DEPTOR: variants seen among roughly 807,000 people sequenced by gnomAD.
DEPTOR encodes DEP domain containing MTOR interacting protein.
Under a neutral mutation model 41.6 loss-of-function variants are expected in DEPTOR, and 41 were observed. That is an observed-to-expected ratio of 0.98 (90% CI 0.77 to 1.28). DEPTOR has a LOEUF of 1.28. DEPTOR is among the 50% of genes most tolerant of loss of function. DEPTOR has a pLI of 0.00. For synonymous variants in DEPTOR, 195 were observed against 192.3 expected (o/e 1.01, Z -0.12); for missense variants, 514 against 527.9 (o/e 0.97, Z 0.26).
At chr8:119,923,277 T>C (rs1385384727) in intron 1 of DEPTOR, among the ~76,000 whole-genome samples, 1 of 152,196 alleles carries the variant, frequency 6.6e-6, no homozygotes, top group East Asian at 1.9e-4. Context: ...GAGGTCTCTC[T>C]GTGGTGCCCG....
At chr8:119,904,246 G>C (rs1377224260) in intron 1 of DEPTOR, among the ~76,000 whole-genome samples, 1 of 151,790 alleles carries the variant, frequency 6.6e-6, no homozygotes, top group Non-Finnish European at 1.5e-5. Context: ...GCCGCCCCGA[G>C]TAGTTGGAAC....
intron 3 of DEPTOR, among the ~76,000 whole-genome samples, chr8:119,953,856 G>T (rs1294520702): frequency 2.1e-5 from 3 of 144,172 alleles, no homozygotes; most frequent in Non-Finnish European, 4.5e-5. Context: ...CCAGGCTGGA[G>T]TTCAGTGGCA....
chr8:119,999,352 A>G (rs990509906), intron 4 of DEPTOR, among the ~76,000 whole-genome samples: 1 of 152,244 alleles, frequency 6.6e-6, no homozygotes, highest in Non-Finnish European at 1.5e-5. Context: ...GAATTAGAAC[A>G]TATAAGACAC....
At chr8:119,999,892 A>C (rs1289637662) in intron 4 of DEPTOR, among the ~76,000 whole-genome samples, 1 of 152,150 alleles carries the variant, frequency 6.6e-6, no homozygotes, top group Non-Finnish European at 1.5e-5. Flanking sequence ...TGGTTACAGA[A>C]ATCTCTACGT....
At chr8:120,029,786 G>A (rs1176455326) in intron 8 of DEPTOR, among the ~76,000 whole-genome samples, 5 of 152,054 alleles carry the variant, frequency 3.3e-5, no homozygotes, top group Admixed American at 6.6e-5. Flanking sequence ...TATCCAGTCC[G>A]TTTTGGCAGG....
chr8:119,887,733 G>A (rs566285297), intron 1 of DEPTOR, among the ~76,000 whole-genome samples: 1 of 150,778 alleles, frequency 6.6e-6, no homozygotes, highest in South Asian at 2.1e-4. Flanking sequence ...CCCCTGACCT[G>A]ACCTCAAGTG....
At chr8:119,921,664 A>G (rs1055444629) in intron 1 of DEPTOR, among the ~76,000 whole-genome samples, 2 of 152,084 alleles carry the variant, frequency 1.3e-5, no homozygotes, top group African/African-American at 4.8e-5. Flanking sequence ...CTTGCAGGGA[A>G]TTGGTGGAAA....
chr8:120,020,064 T>G (rs1318209619), intron 8 of DEPTOR, among the ~76,000 whole-genome samples: 1 of 122,588 alleles, frequency 8.2e-6, no homozygotes, highest in Non-Finnish European at 1.7e-5. Flanking sequence ...CTGCCAGTTC[T>G]TCTCATTTTT....
At chr8:120,018,504 G>A (rs1325345718) in intron 8 of DEPTOR, among the ~76,000 whole-genome samples, 6 of 152,102 alleles carry the variant, frequency 3.9e-5, no homozygotes, top group East Asian at 3.8e-4. Context: ...GCTTGAACCC[G>A]GGAGGTGGAG....
chr8:120,006,829 AGGAACTCCTTACTCCCG>A lies in DEPTOR; in HGVS notation c.953_969del (p.Glu318GlyfsTer13), dbSNP rs1400682060. The stretch of plus-strand genomic sequence containing the variant: ...GTGCTGAAGAGACCTGTCACCTCTG[AGGAACTCCTTACTCCCG>A]GGGCTCCGTATGCAAGGAAGACATT... On this transcript the variant is annotated frameshift_variant, in exon 7 of 9. Transcript: ENST00000286234. LOFTEE classifies it high-confidence loss of function. 2 of 1,614,040 alleles carry A rather than the reference AGGAACTCCTTACTCCCG, an allele frequency of 1.2e-6. No homozygotes were observed. Among genetic ancestry groups the A allele is most frequent in the Non-Finnish European group, 1.7e-6 (2 of 1,180,042 alleles).
chr8:119,988,855 G>A (rs1418327766), intron 4 of DEPTOR, among the ~76,000 whole-genome samples: 1 of 151,492 alleles, frequency 6.6e-6, no homozygotes, highest in Non-Finnish European at 1.5e-5. Context: ...CTAAAATTCA[G>A]AGCAGTTAAG....
intron 1 of DEPTOR, among the ~76,000 whole-genome samples, chr8:119,905,991 C>T (rs1303634951): frequency 6.6e-6 from 1 of 152,104 alleles, no homozygotes; most frequent in African/African-American, 2.4e-5. Flanking sequence ...GACAGCATCT[C>T]GCTATGTTGC....
intron 8 of DEPTOR, among the ~76,000 whole-genome samples, chr8:120,034,443 C>CTTTTTTTTTT (rs148465030): frequency 3.8e-4 from 35 of 91,562 alleles, no homozygotes; most frequent in African/African-American, 1.6e-3. Flanking sequence ...TTTCCTTTTT[C>CTTTTTTTTTT]TTTTTTTTTT....
At chr8:119,932,200 A>T (rs1285159804) in intron 3 of DEPTOR, among the ~76,000 whole-genome samples, 1 of 151,720 alleles carries the variant, frequency 6.6e-6, no homozygotes, top group East Asian at 1.9e-4. Flanking sequence ...GTTCAGGCTG[A>T]TATCAAACTC....
rs1563588217 is a variant in DEPTOR, at chr8:120,001,618, A to T, written c.698A>T (p.Glu233Val). ...RRRRLMELLNEKSPSSQETHD... is the reference protein window; with the variant it reads ...RRRRLMELLNVKSPSSQETHD... ...CGAAGACTGATGGAGCTGCTCAATG[A>T]AAAGTCCCCCTCCTCCCAGGAAACT... The change falls in exon 5 of 9, where the codon GAA becomes GTA. Residue 233 changes from glutamate to valine, a missense_variant. By Grantham distance (121) the Glu-to-Val change is moderately radical (BLOSUM62 -2). Transcript: ENST00000286234. 6.2e-7 allele frequency: 1 copy of T among 1,614,036 alleles called. No individual in the cohort carries two copies. Among genetic ancestry groups the T allele is most frequent in the South Asian group, 1.1e-5 (1 of 91,060 alleles).
chr8:119,892,395 A>G (rs974829070), intron 1 of DEPTOR, among the ~76,000 whole-genome samples: 6 of 152,230 alleles, frequency 3.9e-5, no homozygotes, highest in African/African-American at 1.2e-4. Flanking sequence ...ACATTACAAC[A>G]GTAACTTTGG....
At chr8:119,878,251 G>A (rs1827253372) in intron 1 of DEPTOR, among the ~76,000 whole-genome samples, 1 of 151,786 alleles carries the variant, frequency 6.6e-6, no homozygotes, top group African/African-American at 2.4e-5. Context: ...CCGACCTCAG[G>A]TGATCCGCTC....
chr8:120,024,852 A>G (rs2139439), intron 8 of DEPTOR, among the ~76,000 whole-genome samples: 123,683 of 152,174 alleles, frequency 0.81, 50,328 homozygotes, highest in African/African-American at 0.83. Context: ...CCTAGGAAAC[A>G]GACACAGTGG....
At chr8:119,961,539 T>C (rs964851849) in intron 3 of DEPTOR, among the ~76,000 whole-genome samples, 8 of 152,046 alleles carry the variant, frequency 5.3e-5, no homozygotes, top group Non-Finnish European at 1.5e-5. Context: ...GGGCTCTGAG[T>C]CTAAAAGCAT....
Sources: allele counts gnomAD v4.1 joint callset (sites outside exome capture counted in the v4.1 genomes callset), GRCh38; gene constraint gnomAD v4.1.1; transcripts MANE v1.5; gene names NCBI Gene and HGNC (gene_info 2026-07-23, HGNC 2026-07-21).